Variants in TMEM169 observed in about 807,000 individuals in gnomAD.
TMEM169 encodes transmembrane protein 169.
TMEM169 carries 18 observed loss-of-function variants against 27.3 expected under a neutral mutation model. The observed-to-expected ratio is 0.66, with a 90% confidence interval of 0.46 to 0.98. The LOEUF is 0.98. TMEM169 is among the 50% of genes least tolerant of loss of function. The pLI is 0.00. For synonymous variants in TMEM169, 136 were observed against 142.1 expected, an observed-to-expected ratio of 0.96 and a Z score of 0.30; for missense variants, 320 against 368.6, an observed-to-expected ratio of 0.87 and a Z score of 1.08.
At chr2:216,093,378 T>G (rs1017386939) in intron 1 of TMEM169, among the ~76,000 whole-genome samples, 2 of 152,084 alleles carry the variant, frequency 1.3e-5, no homozygotes, top group African/African-American at 4.8e-5. Flanking sequence ...CCCTGCTTCT[T>G]CCTGTGTACA....
intron 1 of TMEM169, among the ~76,000 whole-genome samples, chr2:216,085,945 C>G (rs985771315): frequency 6.6e-6 from 1 of 151,832 alleles, no homozygotes; most frequent in Non-Finnish European, 1.5e-5. Context: ...AGCAGTTATT[C>G]TAAGCACGAG....
At position 216,097,048 on chromosome 2, in the gene TMEM169, C is replaced by T. The variant is rs1294939662; in HGVS notation, c.271+814C>T. On this transcript the variant is annotated intron_variant, in intron 2 of 2. Coordinates refer to ENST00000437356, the MANE Select transcript of TMEM169 (RefSeq NM_001142311.2). ...TTAGTGAAAGTGGAAGCCGCTTCAA[C>T]CACTTTGTGGAGGAAACTTGTCAAC... 4.6e-5 allele frequency among the ~76,000 whole-genome samples: 7 copies of T among 152,204 alleles called. No homozygotes were observed. The South Asian group carries it at 1.4e-3, about 31-fold the overall frequency.
rs369348749 is a variant in TMEM169, at chr2:216,096,082, G to A, written c.119G>A (p.Arg40Lys). The A allele has an allele frequency of 6.4e-5, 103 of 1,614,058 alleles. No homozygotes were observed. Among genetic ancestry groups the A allele is most frequent in the Non-Finnish European group, 8.1e-5 (95 of 1,180,044 alleles). Residue 40 changes from arginine to lysine, a missense_variant, in exon 2 of 3, where the codon AGG becomes AAG. By Grantham distance (26) the Arg-to-Lys change is conservative (BLOSUM62 2). Transcript: ENST00000437356. ...GATGGGGAATCCACAATGGGGCACA[G>A]GAAAAAGAAGAGGAAAGAGTCACGC... ...ALDGESTMGH[R>K]KKKRKESRPE...
intron 2 of TMEM169, among the ~76,000 whole-genome samples, chr2:216,096,451 A>G (rs1696266673): frequency 6.6e-6 from 1 of 152,128 alleles, no homozygotes; most frequent in Non-Finnish European, 1.5e-5. Context: ...TGCAACTTCC[A>G]CCTTCTGGGT....
chr2:216,084,085 G>A (rs1292627465), intron 1 of TMEM169, among the ~76,000 whole-genome samples: 1 of 152,086 alleles, frequency 6.6e-6, no homozygotes, highest in Non-Finnish European at 1.5e-5. Flanking sequence ...AGGCATTCCT[G>A]TGGCCAAGGT....
At position 216,101,963 on chromosome 2, in the gene TMEM169, T is replaced by C. The variant is rs1385032630; in HGVS notation, c.*1421T>C. 1 of 152,258 alleles carries C rather than the reference T, an allele frequency of 6.6e-6. No homozygotes were observed. The highest frequency in any genetic ancestry group is 2.4e-5 in the African/African-American group (1 of 41,464). 9.4% of individuals were successfully genotyped at this position (152,258 alleles called of 1,614,324 possible). A position where few individuals can be genotyped will look rare whatever the true frequency, so the allele number is the denominator to read the frequency against. On this transcript the variant is annotated 3_prime_UTR_variant, in exon 3 of 3. Transcript: ENST00000437356. Reference sequence around the variant, plus strand: ...AGCTACATATACTTTGAATATGCTATACATCGATATTAGCACCTCACGTAC... The same window carrying C: ...AGCTACATATACTTTGAATATGCTACACATCGATATTAGCACCTCACGTAC...
In TMEM169 at chr2:216,095,109, C is replaced by CTTTCTTTTTTTTT. The variant is rs751748269; in HGVS notation, c.-126-726_-126-725insCTTTTTTTTTTTT. Among the ~76,000 whole-genome samples the CTTTCTTTTTTTTT allele has an allele frequency of 3.0e-3, 333 of 110,442 alleles. 8 individuals carry two copies. Among genetic ancestry groups the CTTTCTTTTTTTTT allele is most frequent in the Non-Finnish European group, 4.5e-3 (263 of 59,076 alleles). The allele number at this position is 110,442 out of a possible 152,430, so 72.5% of individuals were successfully genotyped here. A position where few individuals can be genotyped will look rare whatever the true frequency, so the allele number is the denominator to read the frequency against. ...AGCCACCTATGGTTCTTTTTTCTTT[C>CTTTCTTTTTTTTT]TTTTTTTTTTTTTTGACAGAGTCTC... On this transcript the variant is annotated intron_variant, in intron 1 of 2. Coordinates refer to ENST00000437356, the MANE Select transcript of TMEM169 (RefSeq NM_001142311.2).
At position 216,091,578 on chromosome 2, in the gene TMEM169, A is replaced by AAAAG. The variant is rs746507441; in HGVS notation, c.-126-4259_-126-4258insAAGA. ...TCTCAAAAAAAAAAAAAAAAAAAAA[A>AAAAG]AGAGAGAGACCCAGAGAGCTAGTCA... is the stretch of plus-strand genomic sequence containing the variant. On this transcript the variant is annotated intron_variant, in intron 1 of 2. Coordinates refer to ENST00000437356, the MANE Select transcript of TMEM169 (RefSeq NM_001142311.2). Among the ~76,000 whole-genome samples the AAAAG allele has an allele frequency of 6.2e-3, 704 of 112,918 alleles. 22 individuals carry two copies. The highest frequency in any genetic ancestry group is 0.023 in the East Asian group (75 of 3,220). 74.1% of individuals were successfully genotyped at this position (112,918 alleles called of 152,430 possible). A position where few individuals can be genotyped will look rare whatever the true frequency, so the allele number is the denominator to read the frequency against.
At chr2:216,085,101 T>C (rs1695966011) in intron 1 of TMEM169, among the ~76,000 whole-genome samples, 2 of 152,208 alleles carry the variant, frequency 1.3e-5, no homozygotes, top group African/African-American at 4.8e-5. Flanking sequence ...ACAATTCTCC[T>C]GCCTCAGCCT....
chr2:216,087,557 A>G (rs1300103137), intron 1 of TMEM169, among the ~76,000 whole-genome samples: 2 of 152,242 alleles, frequency 1.3e-5, no homozygotes, highest in Admixed American at 6.5e-5. Context: ...AGAAGTTTAT[A>G]GATCTTTGCA....
intron 1 of TMEM169, chr2:216,082,944 ACAAAG>A (rs1695903254): frequency 6.6e-6 from 1 of 152,258 alleles, no homozygotes; most frequent in South Asian, 2.1e-4. Flanking sequence ...CCTAGGATTC[ACAAAG>A]CCAATTGGAA....
In TMEM169 at chr2:216,095,867, T is replaced by C; in HGVS notation, c.-97T>C. On this transcript the variant is annotated 5_prime_UTR_variant, in exon 2 of 3. An upstream open reading frame in the 5' UTR loses its in-frame stop. Transcript: ENST00000437356. ...AATGCATCCTTGGGACATCTTTGCA[T>C]AGCCCCATCTAGGAAGAAGTTCTGT... is the stretch of plus-strand genomic sequence containing the variant. The C allele has an allele frequency of 7.1e-7, 1 of 1,408,098 alleles. No homozygotes were observed. Among genetic ancestry groups the C allele is most frequent in the Non-Finnish European group, 9.6e-7 (1 of 1,044,578 alleles). 87.2% of individuals were successfully genotyped at this position (1,408,098 alleles called of 1,614,324 possible). A position where few individuals can be genotyped will look rare whatever the true frequency, so the allele number is the denominator to read the frequency against.
In TMEM169 at chr2:216,102,551, A is replaced by G. The variant is rs1696418491; in HGVS notation, c.*2009A>G. The G allele has an allele frequency of 6.6e-6, 1 of 152,120 alleles. No individual in the cohort carries two copies. Among genetic ancestry groups the G allele is most frequent in the African/African-American group, 2.4e-5 (1 of 41,274 alleles). 9.4% of individuals were successfully genotyped at this position (152,120 alleles called of 1,614,324 possible). The stretch of plus-strand genomic sequence containing the variant: ...ATGAATCAAACCAGAGGAGTTTGTC[A>G]TGCTCCCCACAGAGAGCCCAGGACA... On this transcript the variant is annotated 3_prime_UTR_variant, in exon 3 of 3. Transcript: ENST00000437356.
intron 1 of TMEM169, among the ~76,000 whole-genome samples, chr2:216,095,077 T>C (rs1274803573): frequency 6.7e-6 from 1 of 150,144 alleles, no homozygotes; most frequent in East Asian, 2.0e-4. Context: ...TCTGGAATAC[T>C]GGTCCCAGCC....
Position 216,099,771 on chromosome 2 carries a change from C to A in TMEM169, c.272-149C>A. ...GTCACTCTCCCGAGGGAGACCCACT[C>A]AGTCCGCCATTGAATCACTGACTCA... On this transcript the variant is annotated intron_variant, in intron 2 of 2. Coordinates refer to ENST00000437356, the MANE Select transcript of TMEM169 (RefSeq NM_001142311.2). This position sits in a 1 kb window ranked among gnomAD's most constrained non-coding sequence, Gnocchi z 5.0. The A allele has an allele frequency of 9.4e-7, 1 of 1,065,826 alleles. No homozygotes were observed. 66.0% of individuals were successfully genotyped at this position (1,065,826 alleles called of 1,614,324 possible).
intron 1 of TMEM169, among the ~76,000 whole-genome samples, chr2:216,087,611 T>C (rs1037239347): frequency 2.6e-5 from 4 of 152,200 alleles, no homozygotes; most frequent in African/African-American, 9.7e-5. Context: ...TAACATGGGC[T>C]TTGAAATTAG....
In TMEM169 at chr2:216,100,115, G is replaced by A. The variant is rs964253350; in HGVS notation, c.467G>A (p.Arg156His). The change falls in exon 3 of 3, where the codon CGT (arginine) becomes CAT (histidine). Residue 156 changes from arginine (R) to histidine (H), a missense_variant. Transcript: ENST00000437356. Reference sequence around the variant, plus strand: ...ATGGCCTGCCAGATGGGAGCTGACCGTGGGCCCCATGTGGTCCTCTGGACG... The same window carrying A: ...ATGGCCTGCCAGATGGGAGCTGACCATGGGCCCCATGTGGTCCTCTGGACG... ...GRMACQMGAD[R>H]GPHVVLWTLI... is the part of the protein sequence containing the mutation. The A allele has an allele frequency of 8.1e-6, 13 of 1,614,172 alleles. No individual in the cohort carries two copies. The highest frequency in any genetic ancestry group is 2.2e-5 in the East Asian group (1 of 44,878).
chr2:216,088,848 A>G (rs1198624803), intron 1 of TMEM169, among the ~76,000 whole-genome samples: 2 of 152,090 alleles, frequency 1.3e-5, no homozygotes, highest in African/African-American at 4.8e-5. Flanking sequence ...TTTTCTCGGT[A>G]ACACTGAGAG....
chr2:216,085,593 G>A (rs576051216), intron 1 of TMEM169, among the ~76,000 whole-genome samples: 3 of 151,776 alleles, frequency 2.0e-5, no homozygotes, highest in African/African-American at 7.2e-5. Flanking sequence ...TATCTGGGCC[G>A]GGAGCAGTGG....
Sources: allele counts gnomAD v4.1 joint callset (sites outside exome capture counted in the v4.1 genomes callset), GRCh38; gene constraint gnomAD v4.1.1; non-coding constraint Gnocchi (gnomAD v3.1); transcripts MANE v1.5; gene names NCBI Gene and HGNC (gene_info 2026-07-23, HGNC 2026-07-21).